Variants in AQR observed in about 807,000 individuals in gnomAD.
AQR encodes the protein aquarius intron-binding spliceosomal factor.
A neutral mutation model predicts 180.5 loss-of-function variants in AQR; 61 were observed. The observed-to-expected ratio is 0.34, with a 90% CI of 0.28 to 0.42. AQR has a LOEUF of 0.42. Ranked by LOEUF, AQR falls within the 10% of genes least tolerant of loss-of-function variation. The probability of loss-of-function intolerance (pLI) is 1.00; values close to 1 mark genes in which losing one functional copy is unlikely to be tolerated. For missense variants in AQR, 1,281 were observed against 1,798.3 expected, an observed-to-expected ratio of 0.71 and a Z score of 5.20; for synonymous variants, 551 against 588.8, an observed-to-expected ratio of 0.94 and a Z score of 0.93.
At chr15:34,916,391 A>G (rs1424571998) in intron 15 of AQR, among the ~76,000 whole-genome samples, 1 of 152,124 alleles carries the variant, frequency 6.6e-6, no homozygotes, top group Non-Finnish European at 1.5e-5. Flanking sequence ...AAAAAATCCC[A>G]GAACACATTT....
chr15:34,966,869 C>CTTTTTTTT (rs148912380), intron 1 of AQR, among the ~76,000 whole-genome samples: 2 of 67,070 alleles, frequency 3.0e-5, no homozygotes, highest in African/African-American at 5.9e-5. Flanking sequence ...CCACCCTGGC[C>CTTTTTTTT]TTTTTTTTTT....
chr15:34,922,687 G>C (rs1340522442), intron 13 of AQR, among the ~76,000 whole-genome samples: 1 of 152,018 alleles, frequency 6.6e-6, no homozygotes, highest in Non-Finnish European at 1.5e-5. Flanking sequence ...CTGAGTAGCT[G>C]GGATTACAAG....
intron 5 of AQR, among the ~76,000 whole-genome samples, chr15:34,945,217 A>G (rs1255850846): frequency 3.9e-5 from 6 of 152,218 alleles, no homozygotes; most frequent in Non-Finnish European, 8.8e-5. Flanking sequence ...AGATTCCTCT[A>G]CTAGATGACT....
At chr15:34,931,399 G>C (rs539812379) in intron 11 of AQR, among the ~76,000 whole-genome samples, 29 of 152,188 alleles carry the variant, frequency 1.9e-4, no homozygotes, top group African/African-American at 7.0e-4. Context: ...AATTTAAAAA[G>C]AGAATAAGAG....
rs907871979 is a variant in AQR, at chr15:34,943,677, G to A, written c.471+611C>T. Among the ~76,000 whole-genome samples, 5 of 151,938 alleles carry A rather than the reference G, an allele frequency of 3.3e-5. No individual in the cohort carries two copies. The East Asian group carries it at 7.7e-4, about 23-fold the overall frequency. ...GGTGTAAGTGAATTATCAATTCAGA[G>A]GCACTAAATAAATATGTGTATTTAT... On this transcript the variant is annotated intron_variant, in intron 6 of 34. Coordinates refer to ENST00000156471, the MANE Select transcript of AQR (RefSeq NM_014691.3).
chr15:34,955,529 G>A (rs1238603120), intron 3 of AQR, among the ~76,000 whole-genome samples: 1 of 152,092 alleles, frequency 6.6e-6, no homozygotes, highest in African/African-American at 2.4e-5. Context: ...ATTGACAAGG[G>A]CCTTGACATT....
At chr15:34,942,324 C>A (rs528139651) in intron 6 of AQR, among the ~76,000 whole-genome samples, 2 of 152,238 alleles carry the variant, frequency 1.3e-5, no homozygotes, top group Non-Finnish European at 2.9e-5. Context: ...AAAATCAACA[C>A]TCCATGTGCT....
chr15:34,887,026 G>A (rs575691531), intron 24 of AQR, among the ~76,000 whole-genome samples: 4 of 152,070 alleles, frequency 2.6e-5, no homozygotes, highest in African/African-American at 7.2e-5. Flanking sequence ...TTGGGAGGCC[G>A]AGGCAAGAGA....
At chr15:34,939,222 C>G (rs978687507) in intron 8 of AQR, among the ~76,000 whole-genome samples, 10 of 152,138 alleles carry the variant, frequency 6.6e-5, no homozygotes, top group Admixed American at 5.2e-4. Flanking sequence ...GCGCCTGCCA[C>G]CATGCCTGGC....
chr15:34,922,687 G>A (rs1340522442), intron 13 of AQR, among the ~76,000 whole-genome samples: 1 of 152,128 alleles, frequency 6.6e-6, no homozygotes, highest in South Asian at 2.1e-4. Context: ...CTGAGTAGCT[G>A]GGATTACAAG....
At chr15:34,953,435 C>G (rs1894263462) in intron 3 of AQR, among the ~76,000 whole-genome samples, 1 of 152,166 alleles carries the variant, frequency 6.6e-6, no homozygotes, top group Admixed American at 6.5e-5. Flanking sequence ...AACACTGTCA[C>G]TAGATAATTG....
intron 24 of AQR, among the ~76,000 whole-genome samples, chr15:34,888,346 CT>C (rs1001805534): frequency 6.6e-6 from 1 of 151,520 alleles, no homozygotes; most frequent in African/African-American, 2.4e-5. Flanking sequence ...TACAATTAAA[CT>C]CTACTATCTG....
chr15:34,929,886 G>C (rs1893825467), intron 12 of AQR, among the ~76,000 whole-genome samples: 1 of 152,100 alleles, frequency 6.6e-6, no homozygotes, highest in Non-Finnish European at 1.5e-5. Flanking sequence ...GAATTACATT[G>C]GTAAATTTCA....
At chr15:34,916,474 A>G (rs1026070790) in intron 15 of AQR, among the ~76,000 whole-genome samples, 6 of 152,150 alleles carry the variant, frequency 3.9e-5, no homozygotes, top group Non-Finnish European at 7.4e-5. Flanking sequence ...TACAACAAAC[A>G]TTGATGTACA....
At chr15:34,935,494 T>C (rs1209795444) in intron 9 of AQR, among the ~76,000 whole-genome samples, 1 of 152,172 alleles carries the variant, frequency 6.6e-6, no homozygotes, top group Non-Finnish European at 1.5e-5. Context: ...AATGCTTACA[T>C]AAAAATCCAT....
At chr15:34,863,443 T>C (rs1595779692) in intron 32 of AQR, among the ~76,000 whole-genome samples, 1 of 152,184 alleles carries the variant, frequency 6.6e-6, no homozygotes, top group Non-Finnish European at 1.5e-5. Flanking sequence ...TTTTACTTCC[T>C]AGATAACTCT....
chr15:34,890,856 G>T (rs188536720), intron 23 of AQR, among the ~76,000 whole-genome samples: 419 of 152,290 alleles, frequency 2.8e-3, no homozygotes, highest in African/African-American at 9.6e-3. Context: ...TCTGATGAAA[G>T]TCATTTAAAA....
In AQR at chr15:34,890,276, G is replaced by A. The variant is rs1441763801; in HGVS notation, c.2620C>T (p.Arg874Cys). The change falls in exon 24 of 35, where the codon CGC (arginine) becomes TGC (cysteine). Residue 874 changes from arginine (R) to cysteine (C), a missense_variant. This residue lies in a region of AQR where 31 missense variants were observed against 95.5 expected (regional missense o/e 0.32). Coordinates refer to ENST00000156471, the MANE Select transcript of AQR (RefSeq NM_014691.3). ...CCATGACCAAGACGCAGTAGGTGGC[G>A]CTCATCAATGTCTAATGCCATGATT... is the stretch of plus-strand genomic sequence containing the variant. ...EKIMALDIDERHLLRLGHGEE... is the reference protein window; with the variant it reads ...EKIMALDIDECHLLRLGHGEE... 1.2e-6 allele frequency: 2 copies of A among 1,613,372 alleles called. No individual in the cohort carries two copies. The highest frequency in any genetic ancestry group is 1.7e-5 in the Admixed American group (1 of 59,932).
chr15:34,882,465 TA>T (rs34949352), intron 27 of AQR, 36 bp downstream of exon 27: 16,954 of 1,192,668 alleles, frequency 0.014, 1 homozygote, highest in Middle Eastern at 0.032. Context: ...CTGATAATCT[TA>T]AAAAAAAAAA....
Sources: gnomAD v4.1 joint callset for allele counts (sites outside exome capture counted in the v4.1 genomes callset) on GRCh38, gnomAD v4.1.1 for gene constraint, gnomAD v4.1.1 regional missense constraint, MANE v1.5 for transcripts, NCBI Gene and HGNC (gene_info 2026-07-23, HGNC 2026-07-21) for gene names.